The following MAGI2 variants were observed in gnomAD, a reference collection of about 807,000 sequenced individuals.
The protein encoded by MAGI2 is membrane associated guanylate kinase, WW and PDZ domain containing 2, also known as membrane-associated guanylate kinase, WW and PDZ domain-containing protein 2.
In MAGI2, 35 loss-of-function variants were observed where a neutral mutation model predicts 133.3. The observed-to-expected ratio is 0.26, with a 90% CI of 0.20 to 0.35. The LOEUF (loss-of-function observed/expected upper bound fraction) is 0.35, where lower values mean the gene tolerates loss of function less well. Ranked by LOEUF, MAGI2 falls within the 10% of genes least tolerant of loss-of-function variation. The pLI is 1.00. For missense variants in MAGI2, 1,636 were observed against 1,863.4 expected (o/e 0.88, Z 2.25); for synonymous variants, 729 against 710.6 (o/e 1.03, Z -0.41).
At chr7:78,509,819 A>G (rs904553011) in intron 4 of MAGI2, among the ~76,000 whole-genome samples, 6 of 152,230 alleles carry the variant, frequency 3.9e-5, no homozygotes, top group African/African-American at 1.4e-4. Flanking sequence ...GACACAGTCT[A>G]TGTATACAGT....
chr7:79,186,987 T>G (rs1473918145), intron 1 of MAGI2, among the ~76,000 whole-genome samples: 1 of 151,382 alleles, frequency 6.6e-6, no homozygotes, highest in South Asian at 2.1e-4. Flanking sequence ...AATTTTTTTC[T>G]GATACAAATG....
intron 9 of MAGI2, among the ~76,000 whole-genome samples, chr7:78,290,292 G>A (rs912645917): frequency 6.6e-6 from 1 of 152,078 alleles, no homozygotes; most frequent in Admixed American, 6.6e-5. Flanking sequence ...AAAGAGCAGG[G>A]GTTTCAATCC....
chr7:79,255,509 T>C (rs1833619858), intron 1 of MAGI2, among the ~76,000 whole-genome samples: 1 of 152,220 alleles, frequency 6.6e-6, no homozygotes, highest in African/African-American at 2.4e-5. Context: ...TGAAAATATG[T>C]GATGGAATCA....
intron 1 of MAGI2, among the ~76,000 whole-genome samples, chr7:79,046,418 A>T (rs1357674449): frequency 1.3e-5 from 2 of 152,234 alleles, no homozygotes; most frequent in African/African-American, 4.8e-5. Context: ...TCTTGATCTC[A>T]GACATCTGGA....
chr7:78,851,303 C>T (rs1337581386), intron 2 of MAGI2, among the ~76,000 whole-genome samples: 1 of 152,132 alleles, frequency 6.6e-6, no homozygotes, highest in East Asian at 1.9e-4. Context: ...TGCTAAATGT[C>T]AAGGGCTTTA....
intron 7 of MAGI2, chr7:78,347,315 C>G (rs562134367): frequency 6.6e-6 from 1 of 152,328 alleles, no homozygotes; most frequent in South Asian, 2.1e-4. Context: ...CAAAGCAGTT[C>G]CCAGAAACAT....
chr7:79,017,299 A>G (rs1333147679), intron 1 of MAGI2, among the ~76,000 whole-genome samples: 1 of 152,178 alleles, frequency 6.6e-6, no homozygotes, highest in Non-Finnish European at 1.5e-5. Flanking sequence ...CTAGAGTTAG[A>G]GCACACAGTT....
intron 6 of MAGI2, among the ~76,000 whole-genome samples, chr7:78,470,894 C>T (rs1004205614): frequency 1.3e-5 from 2 of 152,050 alleles, no homozygotes; most frequent in Admixed American, 6.6e-5. Flanking sequence ...TACTGTCAAG[C>T]TCAGGATATG....
chr7:79,335,010 C>T (rs1362242768), intron 1 of MAGI2, among the ~76,000 whole-genome samples: 2 of 152,082 alleles, frequency 1.3e-5, no homozygotes, highest in African/African-American at 4.8e-5. Context: ...GTTGAAATTT[C>T]TCAAGCATAA....
intron 3 of MAGI2, among the ~76,000 whole-genome samples, chr7:78,613,419 G>C (rs535131955): frequency 1.3e-5 from 2 of 152,054 alleles, no homozygotes; most frequent in African/African-American, 4.8e-5. Context: ...ATATTAATTT[G>C]TAAGAGCCAG....
intron 2 of MAGI2, among the ~76,000 whole-genome samples, chr7:78,785,469 C>T (rs1286401047): frequency 1.3e-5 from 2 of 152,284 alleles, no homozygotes; most frequent in African/African-American, 4.8e-5. Context: ...AATGAATTGT[C>T]AATTTTGCCA....
At chr7:78,482,877 C>CCA (rs1792546541) in intron 6 of MAGI2, among the ~76,000 whole-genome samples, 1 of 89,610 alleles carries the variant, frequency 1.1e-5, no homozygotes, top group Non-Finnish European at 2.1e-5. Flanking sequence ...TCACATGGAA[C>CCA]TACACACACA....
intron 2 of MAGI2, among the ~76,000 whole-genome samples, chr7:78,854,619 G>C (rs1464796392): frequency 6.6e-6 from 1 of 150,920 alleles, no homozygotes; most frequent in African/African-American, 2.4e-5. Context: ...GTTAATCTTT[G>C]CAGGCTAGGT....
At chr7:79,226,610 C>T (rs180720732) in intron 1 of MAGI2, among the ~76,000 whole-genome samples, 40 of 152,240 alleles carry the variant, frequency 2.6e-4, no homozygotes, top group African/African-American at 8.4e-4. Context: ...CCTTTCTCTT[C>T]CCTTCTCTTT....
chr7:78,486,443 T>C (rs1793015312), intron 6 of MAGI2: 1 of 168,304 alleles, frequency 5.9e-6, no homozygotes, highest in African/African-American at 2.4e-5. Context: ...TAAGAACAGT[T>C]TACACATTTT....
intron 1 of MAGI2, among the ~76,000 whole-genome samples, chr7:79,362,530 C>A (rs1842433070): frequency 1.3e-5 from 2 of 151,504 alleles, no homozygotes; most frequent in Admixed American, 6.6e-5. Context: ...TAAGTAATAC[C>A]AGACAAAGAA....
chr7:78,633,487 C>T (rs1192879316), intron 2 of MAGI2, among the ~76,000 whole-genome samples: 2 of 151,810 alleles, frequency 1.3e-5, no homozygotes, highest in African/African-American at 2.4e-5. Context: ...GGGTGGATCA[C>T]GAGGTCAGGA....
intron 5 of MAGI2, 124 bp from the exon 6 acceptor site, chr7:78,489,964 G>T (rs1793449849): frequency 1.5e-6 from 1 of 679,024 alleles, no homozygotes; most frequent in African/African-American, 1.8e-5. Context: ...TTGCTTACTG[G>T]TTCTAAGTAG....
intron 3 of MAGI2, among the ~76,000 whole-genome samples, chr7:78,560,957 A>G (rs1477843849): frequency 6.6e-6 from 1 of 152,172 alleles, no homozygotes. Context: ...TTATACACTC[A>G]GGTGTCCTAG....
Sources: gnomAD v4.1 joint callset for allele counts (sites outside exome capture counted in the v4.1 genomes callset) on GRCh38, gnomAD v4.1.1 for gene constraint, MANE v1.5 for transcripts, NCBI Gene and HGNC (gene_info 2026-07-23, HGNC 2026-07-21) for gene names.